Variants in ITM2C observed in about 807,000 individuals in gnomAD.
ITM2C encodes the protein integral membrane protein 2C.
Under a neutral mutation model 30.0 loss-of-function variants are expected in ITM2C, and 20 were observed. The ratio of observed to expected loss-of-function variants is 0.67; its 90% confidence interval spans 0.47 to 0.97. ITM2C has a LOEUF of 0.97. Ranked by LOEUF, ITM2C falls within the 50% of genes least tolerant of loss-of-function variation. The probability of loss-of-function intolerance (pLI) is 0.00; values close to 1 mark genes in which losing one functional copy is unlikely to be tolerated. For synonymous variants in ITM2C, 167 were observed against 156.4 expected (o/e 1.07, Z -0.51); for missense variants, 366 against 371.9 (o/e 0.98, Z 0.13).
At chr2:230,873,314 G>T in intron 1 of ITM2C, 103 bp from the exon 2 acceptor site, 2 of 1,198,628 alleles carry the variant, frequency 1.7e-6, no homozygotes, top group South Asian at 2.0e-5. Context: ...TTTCCCCCAA[G>T]ACTCCCTCCG....
intron 1 of ITM2C, chr2:230,873,143 T>G (rs1697206476): frequency 2.6e-6 from 1 of 382,022 alleles, no homozygotes; most frequent in Non-Finnish European, 4.6e-6. Flanking sequence ...CTGAACCCAC[T>G]GCATCTCTTT....
intron 1 of ITM2C, among the ~76,000 whole-genome samples, chr2:230,867,225 T>G (rs1697047370): frequency 1.3e-5 from 2 of 152,198 alleles, no homozygotes; most frequent in African/African-American, 4.8e-5. Context: ...AACTGCATGT[T>G]AGTAAACTTT....
chr2:230,874,614 G>C (rs1213476962), intron 2 of ITM2C, among the ~76,000 whole-genome samples: 1 of 152,242 alleles, frequency 6.6e-6, no homozygotes, highest in East Asian at 1.9e-4. Flanking sequence ...ACTGTGGGAT[G>C]CAGCCCCGGA....
chr2:230,871,043 T>G (rs902675080), intron 1 of ITM2C, among the ~76,000 whole-genome samples: 13 of 152,272 alleles, frequency 8.5e-5, no homozygotes, highest in Non-Finnish European at 1.3e-4. Context: ...TATTTTTATC[T>G]AGCACTTGAT....
At chr2:230,876,703 G>A (rs112795973) in intron 3 of ITM2C, among the ~76,000 whole-genome samples, 154 bp from the exon 4 acceptor site, 4 of 151,904 alleles carry the variant, frequency 2.6e-5, no homozygotes, top group African/African-American at 9.7e-5. Flanking sequence ...GGATGGTCTC[G>A]ATCTCCTGAC....
Position 230,877,282 on chromosome 2 carries a change from A to G in ITM2C, c.562-118A>G. The stretch of plus-strand genomic sequence containing the variant: ...GGGCACAGGCAGGAAGTGCCTGAGG[A>G]CATCAGAAGGGCCAGCCCAGGGGCC... On this transcript the variant is annotated intron_variant, in intron 4 of 5. Coordinates refer to ENST00000326427, the MANE Select transcript of ITM2C (RefSeq NM_030926.6). The surrounding 1 kb of genome is among the most constrained non-coding windows in gnomAD (Gnocchi z 4.8). The G allele has an allele frequency of 3.0e-6, 3 of 996,454 alleles. No homozygotes were observed. In the East Asian group the frequency reaches 7.4e-5, roughly 25 times the overall value. The allele number at this position is 996,454 out of a possible 1,614,324, so 61.7% of individuals were successfully genotyped here.
Position 230,865,320 on chromosome 2 carries a change from C to T in ITM2C, c.120+175C>T, listed in dbSNP as rs998032363. Reference sequence around the variant, plus strand: ...CCCAGAATGAGGAGGGGGCTTAAGTCCCGTACTAAAGCGGCAGCCAAAAGC... The same window carrying T: ...CCCAGAATGAGGAGGGGGCTTAAGTTCCGTACTAAAGCGGCAGCCAAAAGC... On this transcript the variant is annotated intron_variant, in intron 1 of 5. Transcript: ENST00000326427. This position sits in a 1 kb window ranked among gnomAD's most constrained non-coding sequence, Gnocchi z 6.8. The T allele has an allele frequency of 9.4e-5, 60 of 636,730 alleles. No individual in the cohort carries two copies. In the Admixed American group the frequency reaches 1.0e-3, roughly 11 times the overall value. 39.4% of individuals were successfully genotyped at this position (636,730 alleles called of 1,614,324 possible).
In ITM2C at chr2:230,865,046, G is replaced by T; in HGVS notation, c.21G>T (p.Gln7His). The change falls in exon 1 of 6, where the codon CAG becomes CAT. Residue 7 changes from glutamine (Q) to histidine (H), a missense_variant. By Grantham distance (24) the Gln-to-His change is conservative (BLOSUM62 0). Transcript: ENST00000326427. The surrounding 1 kb of genome is among the most constrained non-coding windows in gnomAD (Gnocchi z 6.8). MVKISF[Q>H]PAVAGIKGDK... Reference sequence around the variant, plus strand: ...CAGCCATGGTGAAGATTAGCTTCCAGCCCGCCGTGGCTGGCATCAAGGGCG... The same window carrying T: ...CAGCCATGGTGAAGATTAGCTTCCATCCCGCCGTGGCTGGCATCAAGGGCG... 6.6e-7 allele frequency: 1 copy of T among 1,524,174 alleles called. No homozygotes were observed. The highest frequency in any genetic ancestry group is 8.8e-7 in the Non-Finnish European group (1 of 1,130,086). 94.4% of individuals were successfully genotyped at this position (1,524,174 alleles called of 1,614,324 possible). A position where few individuals can be genotyped will look rare whatever the true frequency, so the allele number is the denominator to read the frequency against.
chr2:230,877,126 C>T lies in ITM2C; in HGVS notation c.561+159C>T, dbSNP rs577844109. 1.3e-5 allele frequency among the ~76,000 whole-genome samples: 2 copies of T among 152,320 alleles called. No individual in the cohort carries two copies. Among genetic ancestry groups the T allele is most frequent in the Admixed American group, 1.3e-4 (2 of 15,300 alleles). ...GGCCCTGTACCCAGATTGGTCTCGCCTCTGCTATCCCCCTGCTTCCACATC... is the reference window on the plus strand; with the variant it reads ...GGCCCTGTACCCAGATTGGTCTCGCTTCTGCTATCCCCCTGCTTCCACATC... On this transcript the variant is annotated intron_variant, in intron 4 of 5. Transcript: ENST00000326427. The surrounding 1 kb of genome is among the most constrained non-coding windows in gnomAD (Gnocchi z 4.8).
intron 1 of ITM2C, among the ~76,000 whole-genome samples, chr2:230,868,789 A>T (rs1014972556): frequency 3.9e-5 from 6 of 152,144 alleles, no homozygotes; most frequent in Non-Finnish European, 7.4e-5. Context: ...GCCCTACCCC[A>T]GTGTCCTGAT....
At chr2:230,873,166 G>A in intron 1 of ITM2C, 1 of 414,094 alleles carries the variant, frequency 2.4e-6, no homozygotes, top group Non-Finnish European at 4.2e-6. Flanking sequence ...GTGGCTTCCA[G>A]GTGTGTCTTG....
In ITM2C at chr2:230,878,907, T is replaced by G. The variant is rs1337437926; in HGVS notation, c.*808T>G. On this transcript the variant is annotated 3_prime_UTR_variant, in exon 6 of 6. Transcript: ENST00000326427. This position sits in a 1 kb window ranked among gnomAD's most constrained non-coding sequence, Gnocchi z 4.5. ...GGGACGAGCCGTGGGTTCTGCTGAG[T>G]AGGTGGAGCTCATTGCTTTCTCCAA... is the stretch of plus-strand genomic sequence containing the variant. 6.6e-6 allele frequency: 1 copy of G among 152,430 alleles called. No individual in the cohort carries two copies. The highest frequency in any genetic ancestry group is 1.5e-5 in the Non-Finnish European group (1 of 68,076). 9.4% of individuals were successfully genotyped at this position (152,430 alleles called of 1,614,324 possible).
upstream of ITM2C, among the ~76,000 whole-genome samples, chr2:230,864,350 A>G (rs146918938): frequency 1.2e-4 from 19 of 152,288 alleles, no homozygotes; most frequent in African/African-American, 3.1e-4. The surrounding 1 kb of genome is among the most constrained non-coding windows in gnomAD (Gnocchi z 4.3). Flanking sequence ...AAGGTTTTGC[A>G]GGAATAAAGA....
chr2:230,871,784 C>T (rs916876012), intron 1 of ITM2C, among the ~76,000 whole-genome samples: 4 of 152,212 alleles, frequency 2.6e-5, no homozygotes, highest in Non-Finnish European at 4.4e-5. Context: ...CACGCATGTC[C>T]GCAGTGAAGG....
chr2:230,874,370 C>A (rs1358072452), intron 2 of ITM2C, among the ~76,000 whole-genome samples: 1 of 152,038 alleles, frequency 6.6e-6, no homozygotes, highest in African/African-American at 2.4e-5. Flanking sequence ...CATCCCCCTG[C>A]CCCGCCCCAC....
Position 230,865,106 on chromosome 2 carries a change from G to C in ITM2C, c.81G>C (p.Ala27=). 6.6e-7 allele frequency: 1 copy of C among 1,510,138 alleles called. No homozygotes were observed. 93.5% of individuals were successfully genotyped at this position (1,510,138 alleles called of 1,614,324 possible). The part of the protein sequence containing the change: ...KADKASASAP[A]PASATEILLT... ...ACAAGGCGTCGGCGTCGGCCCCTGC[G>C]CCGGCCTCGGCCACCGAGATCCTGC... is the stretch of plus-strand genomic sequence containing the variant. The change falls in exon 1 of 6, where the codon GCG becomes GCC. Residue 27 remains alanine (A), a synonymous_variant. Coordinates refer to ENST00000326427, the MANE Select transcript of ITM2C (RefSeq NM_030926.6). This position sits in a 1 kb window ranked among gnomAD's most constrained non-coding sequence, Gnocchi z 6.8.
At chr2:230,874,525 C>A (rs749915816) in intron 2 of ITM2C, among the ~76,000 whole-genome samples, 23 of 152,282 alleles carry the variant, frequency 1.5e-4, no homozygotes, top group Admixed American at 3.9e-4. Context: ...CCCTTCTCCC[C>A]ACACCCCAAT....
At chr2:230,875,593 G>A (rs745544046) in intron 2 of ITM2C, 27 bp from the exon 3 acceptor site, 5 of 1,568,028 alleles carry the variant, frequency 3.2e-6, no homozygotes, top group South Asian at 1.2e-5. Context: ...CTCTCTGACT[G>A]TCTGTCTGTC....
At chr2:230,876,099 G>A (rs961763709) in intron 3 of ITM2C, among the ~76,000 whole-genome samples, 3 of 152,148 alleles carry the variant, frequency 2.0e-5, no homozygotes, top group African/African-American at 4.8e-5. Flanking sequence ...AGTGCATTGC[G>A]TGTACAGCTC....
Sources: gnomAD v4.1 joint callset for allele counts (sites outside exome capture counted in the v4.1 genomes callset) on GRCh38, gnomAD v4.1.1 for gene constraint, Gnocchi (gnomAD v3.1) non-coding constraint, MANE v1.5 for transcripts, NCBI Gene and HGNC (gene_info 2026-07-23, HGNC 2026-07-21) for gene names.